Variants in CHST11 observed in about 807,000 individuals in gnomAD.
CHST11 encodes C4S-1.
In CHST11, 9 loss-of-function variants were observed where a neutral mutation model predicts 30.4. The observed-to-expected ratio is 0.30, with a 90% CI of 0.18 to 0.52. The LOEUF (loss-of-function observed/expected upper bound fraction) is 0.52. CHST11 is among the 20% of genes least tolerant of loss of function. The pLI is 0.97. For synonymous variants in CHST11, 152 were observed against 187.8 expected (o/e 0.81, Z 1.56); for missense variants, 348 against 460.6 (o/e 0.76, Z 2.24).
At chr12:104,717,804 G>A (rs1050066317) in intron 2 of CHST11, among the ~76,000 whole-genome samples, 2 of 149,728 alleles carry the variant, frequency 1.3e-5, no homozygotes, top group Non-Finnish European at 3.0e-5. Context: ...CAACAAATTC[G>A]CTGGGCAAGG....
chr12:104,691,190 T>G (rs530181538), intron 2 of CHST11, among the ~76,000 whole-genome samples: 139 of 152,246 alleles, frequency 9.1e-4, no homozygotes, highest in African/African-American at 3.2e-3. Flanking sequence ...CAGTGCCCAA[T>G]AAGGCACGGG....
chr12:104,731,221 G>A (rs576308291), intron 2 of CHST11, among the ~76,000 whole-genome samples: 24 of 152,318 alleles, frequency 1.6e-4, no homozygotes, highest in African/African-American at 5.5e-4. Context: ...CATGGAGGGT[G>A]AATGTATCTA....
At chr12:104,689,450 C>A (rs532878087) in intron 2 of CHST11, among the ~76,000 whole-genome samples, 64 of 152,252 alleles carry the variant, frequency 4.2e-4, no homozygotes, top group Admixed American at 3.5e-3. Flanking sequence ...TTCCCAGCAG[C>A]TGTGAGGCTG....
chr12:104,615,261 T>G (rs950696164), intron 2 of CHST11, among the ~76,000 whole-genome samples: 3 of 152,246 alleles, frequency 2.0e-5, no homozygotes, highest in Non-Finnish European at 2.9e-5. Flanking sequence ...AAATACACAG[T>G]TCTGGCAGTC....
At chr12:104,655,034 C>G (rs767897298) in intron 2 of CHST11, among the ~76,000 whole-genome samples, 1 of 152,210 alleles carries the variant, frequency 6.6e-6, no homozygotes, top group Non-Finnish European at 1.5e-5. Context: ...GCATGTGTGT[C>G]TTGGATCTCT....
At chr12:104,599,974 T>A (rs1473800583) in intron 1 of CHST11, among the ~76,000 whole-genome samples, 1 of 152,190 alleles carries the variant, frequency 6.6e-6, no homozygotes, top group Non-Finnish European at 1.5e-5. Flanking sequence ...TTCTGTATCG[T>A]TTGGGGAGGA....
intron 1 of CHST11, among the ~76,000 whole-genome samples, chr12:104,504,035 A>C (rs1390241041): frequency 6.6e-6 from 1 of 152,208 alleles, no homozygotes; most frequent in Non-Finnish European, 1.5e-5. Context: ...AGTCAATGTT[A>C]GCTTTTCTTT....
chr12:104,710,793 C>G (rs755154836), intron 2 of CHST11, among the ~76,000 whole-genome samples: 16 of 152,206 alleles, frequency 1.1e-4, no homozygotes, highest in Non-Finnish European at 2.2e-4. Context: ...CCAGGCTTCT[C>G]CCATAGGTAT....
intron 1 of CHST11, among the ~76,000 whole-genome samples, chr12:104,596,986 G>A (rs942361811): frequency 2.0e-5 from 3 of 152,158 alleles, no homozygotes; most frequent in African/African-American, 7.2e-5. Context: ...CAGTATTTCA[G>A]TTCTATGTCT....
At chr12:104,548,290 T>G (rs185619159) in intron 1 of CHST11, among the ~76,000 whole-genome samples, 1 of 152,332 alleles carries the variant, frequency 6.6e-6, no homozygotes, top group East Asian at 1.9e-4. Flanking sequence ...GATGTGCTGG[T>G]AAACAGTTAA....
intron 1 of CHST11, chr12:104,514,537 A>G (rs1664984407): frequency 3.9e-6 from 2 of 519,478 alleles, no homozygotes; most frequent in Non-Finnish European, 6.9e-6. Flanking sequence ...TCTAAAAAAA[A>G]GAAAAAAGAA....
intron 1 of CHST11, among the ~76,000 whole-genome samples, chr12:104,575,421 A>C (rs2665740): frequency 3.3e-5 from 5 of 151,974 alleles, no homozygotes; most frequent in South Asian, 2.1e-4. Flanking sequence ...AGGCCATGTC[A>C]GGTGGGGACA....
At chr12:104,745,092 T>C (rs1374957413) in intron 2 of CHST11, among the ~76,000 whole-genome samples, 2 of 152,216 alleles carry the variant, frequency 1.3e-5, no homozygotes, top group Non-Finnish European at 2.9e-5. Flanking sequence ...CAGGCTGTTC[T>C]CGAACTCCTG....
At position 104,655,382 on chromosome 12, in the gene CHST11, C is replaced by A. The variant is rs553722419; in HGVS notation, c.204+53391C>A. 6.6e-5 allele frequency among the ~76,000 whole-genome samples: 10 copies of A among 152,346 alleles called. No homozygotes were observed. The South Asian group carries it at 2.1e-3, about 32-fold the overall frequency. On this transcript the variant is annotated intron_variant, in intron 2 of 2. Coordinates refer to ENST00000303694, the MANE Select transcript of CHST11 (RefSeq NM_018413.6). ...GGCAGCTCTGCCCCTCCAGCCTCGG[C>A]AGGATAGCTAGGGATGGATTCCACC...
rs10622882 is a variant in CHST11, at chr12:104,637,302, T to TAAAAAAAA, written c.204+35337_204+35344dup. Among the ~76,000 whole-genome samples the TAAAAAAAA allele has an allele frequency of 9.1e-4, 57 of 62,562 alleles. 3 individuals carry two copies. Among genetic ancestry groups the TAAAAAAAA allele is most frequent in the African/African-American group, 4.1e-3 (49 of 11,938 alleles). The allele number at this position is 62,562 out of a possible 152,430, so 41.0% of individuals were successfully genotyped here. A position where few individuals can be genotyped will look rare whatever the true frequency, so the allele number is the denominator to read the frequency against. On this transcript the variant is annotated intron_variant, in intron 2 of 2. Transcript: ENST00000303694. ...CCTGGGCCATGGGAGTGAGACCCTG[T>TAAAAAAAA]AAAAAAAAAAAAAAAAAAAAAAAAA...
chr12:104,661,713 A>AT (rs2039600334), intron 2 of CHST11, among the ~76,000 whole-genome samples: 1 of 152,190 alleles, frequency 6.6e-6, no homozygotes, highest in South Asian at 2.1e-4. Context: ...GATACACAGC[A>AT]GTAGTGGTGA....
chr12:104,756,532 G>GGTGTGTGT (rs113577198), intron 2 of CHST11, among the ~76,000 whole-genome samples: 3,625 of 143,324 alleles, frequency 0.025, 160 homozygotes, highest in African/African-American at 0.084. Flanking sequence ...ATCCATGTGG[G>GGTGTGTGT]GTGTGTGTGT....
chr12:104,647,065 T>G (rs1253723452), intron 2 of CHST11, among the ~76,000 whole-genome samples: 1 of 152,260 alleles, frequency 6.6e-6, no homozygotes, highest in Non-Finnish European at 1.5e-5. Context: ...GCCAATAGAC[T>G]GGCTGCCTCA....
At chr12:104,532,703 C>T (rs2038196643) in intron 1 of CHST11, among the ~76,000 whole-genome samples, 1 of 152,138 alleles carries the variant, frequency 6.6e-6, no homozygotes, top group Non-Finnish European at 1.5e-5. Flanking sequence ...CAGAACTATA[C>T]CCACCGTGTG....
Sources: allele counts gnomAD v4.1 joint callset (sites outside exome capture counted in the v4.1 genomes callset), GRCh38; gene constraint gnomAD v4.1.1; transcripts MANE v1.5; gene names NCBI Gene and HGNC (gene_info 2026-07-23, HGNC 2026-07-21).